The following SRGAP3 variants were observed in gnomAD, a reference collection of about 807,000 sequenced individuals.
SRGAP3 encodes the protein SLIT-ROBO Rho GTPase activating protein 3.
In SRGAP3, 39 loss-of-function variants were observed where a neutral mutation model predicts 121.1. That is an observed-to-expected ratio of 0.32 (90% CI 0.25 to 0.42). The LOEUF is 0.42. Among genes scored for constraint, SRGAP3 ranks in the 10% least tolerant of loss-of-function variants. The probability of loss-of-function intolerance (pLI) is 1.00; values close to 1 mark genes in which losing one functional copy is unlikely to be tolerated. For missense variants in SRGAP3, 1,213 were observed against 1,470.6 expected, an observed-to-expected ratio of 0.82 and a Z score of 2.86; for synonymous variants, 601 against 570.0, an observed-to-expected ratio of 1.05 and a Z score of -0.77.
At chr3:9,189,821 T>A (rs1288750500) in intron 1 of SRGAP3, among the ~76,000 whole-genome samples, 4 of 152,204 alleles carry the variant, frequency 2.6e-5, no homozygotes, top group Non-Finnish European at 4.4e-5. Flanking sequence ...ACACCCAGCA[T>A]CACAGAGTAA....
chr3:9,104,566 C>T, intron 3 of SRGAP3, 114 bp downstream of exon 3: 1 of 1,400,950 alleles, frequency 7.1e-7, no homozygotes, highest in East Asian at 2.3e-5. Context: ...TTCAATGCAC[C>T]TGCCCCTCCT....
chr3:8,992,685 A>G, intron 20 of SRGAP3: 1 of 664,120 alleles, frequency 1.5e-6, no homozygotes, highest in Non-Finnish European at 2.6e-6. Flanking sequence ...TTCCCAACAC[A>G]TGTCTTTCCT....
intron 1 of SRGAP3, among the ~76,000 whole-genome samples, chr3:9,203,654 C>G (rs1361657301): frequency 1.3e-5 from 2 of 152,216 alleles, no homozygotes; most frequent in African/African-American, 4.8e-5. Context: ...ATATTGGCCC[C>G]TGAGCTATAA....
chr3:9,308,670 C>T (rs950891554), intron 3 of SRGAP3, among the ~76,000 whole-genome samples: 11 of 152,136 alleles, frequency 7.2e-5, no homozygotes, highest in African/African-American at 2.7e-4. Flanking sequence ...TTGCACAGCA[C>T]CTTAAATAAG....
chr3:9,231,391 T>A (rs1010715132), intron 1 of SRGAP3, among the ~76,000 whole-genome samples: 5 of 152,248 alleles, frequency 3.3e-5, no homozygotes, highest in African/African-American at 1.2e-4. Context: ...CGGTTCTGTC[T>A]CTTTAGAAAA....
rs140177580 is a variant in SRGAP3 at position 9,054,656 on chromosome 3, C to T, written c.1126-1432G>A. Among the ~76,000 whole-genome samples, 1,168 of 152,346 alleles carry T rather than the reference C, an allele frequency of 7.7e-3. 27 individuals are homozygous for T. Among genetic ancestry groups the T allele is most frequent in the African/African-American group, 0.027 (1,121 of 41,578 alleles). On this transcript the variant is annotated intron_variant, in intron 8 of 21. Transcript: ENST00000383836. ...CAGGCCATTGTTCACTCATATTTGG[C>T]TCAGAATAAATCTCTTCAAGTATTT...
At chr3:9,002,126 A>T (rs1215660257) in intron 18 of SRGAP3, among the ~76,000 whole-genome samples, 15 of 152,190 alleles carry the variant, frequency 9.9e-5, no homozygotes, top group Admixed American at 9.8e-4. Context: ...CTAACTGCAC[A>T]TGGAACGTTC....
At chr3:9,171,668 CCT>C (rs1309825585) in intron 1 of SRGAP3, among the ~76,000 whole-genome samples, 7 of 152,192 alleles carry the variant, frequency 4.6e-5, no homozygotes, top group East Asian at 3.9e-4. Context: ...CAAAATAGCC[CCT>C]GTGTGCCCAA....
At chr3:9,020,997 G>A (rs1459980040) in intron 14 of SRGAP3, among the ~76,000 whole-genome samples, 1 of 152,238 alleles carries the variant, frequency 6.6e-6, no homozygotes, top group Non-Finnish European at 1.5e-5. Context: ...CACACAGTGT[G>A]TGCTTAAAGG....
At chr3:9,082,181 C>T (rs752215361) in intron 3 of SRGAP3, among the ~76,000 whole-genome samples, 2 of 152,296 alleles carry the variant, frequency 1.3e-5, no homozygotes, top group Admixed American at 6.5e-5. Flanking sequence ...ATGCCTGCTC[C>T]ACCCTCACCT....
At chr3:9,038,034 G>T in intron 11 of SRGAP3, 29 bp downstream of exon 11, 6 of 1,614,120 alleles carry the variant, frequency 3.7e-6, no homozygotes, top group Non-Finnish European at 5.1e-6. Flanking sequence ...GGCAGCAGAT[G>T]AAAGAAAACA....
At chr3:9,321,034 T>C (rs1955430841) in intron 3 of SRGAP3, among the ~76,000 whole-genome samples, 1 of 150,908 alleles carries the variant, frequency 6.6e-6, no homozygotes, top group African/African-American at 2.5e-5. Flanking sequence ...GTGGTGGAAG[T>C]AATGCTTTGT....
chr3:9,057,730 T>C (rs1390130647), intron 7 of SRGAP3, among the ~76,000 whole-genome samples: 1 of 152,250 alleles, frequency 6.6e-6, no homozygotes, highest in East Asian at 1.9e-4. Flanking sequence ...TAGGGCTGTG[T>C]TGGGGCCAGT....
chr3:9,233,766 T>C (rs1269256336), intron 1 of SRGAP3, among the ~76,000 whole-genome samples: 3 of 152,194 alleles, frequency 2.0e-5, no homozygotes, highest in African/African-American at 7.2e-5. Flanking sequence ...GATTCCCCCA[T>C]GCACACTGCA....
At chr3:9,303,212 G>T (rs530135384) in intron 3 of SRGAP3, among the ~76,000 whole-genome samples, 1 of 152,196 alleles carries the variant, frequency 6.6e-6, no homozygotes, top group Non-Finnish European at 1.5e-5. Flanking sequence ...ATTACTTGAG[G>T]CCAGGAGTTC....
At chr3:9,294,141 G>A (rs1357231224) in intron 3 of SRGAP3, among the ~76,000 whole-genome samples, 1 of 152,128 alleles carries the variant, frequency 6.6e-6, no homozygotes, top group Admixed American at 6.6e-5. Flanking sequence ...GGAATACTAT[G>A]CAGCCATAAA....
intron 1 of SRGAP3, among the ~76,000 whole-genome samples, chr3:9,230,271 G>A (rs114597409): frequency 1.5e-3 from 234 of 152,260 alleles, no homozygotes; most frequent in Middle Eastern, 6.8e-3. Context: ...AAAGTCACAC[G>A]GCTAGAAAGT....
chr3:9,064,111 G>A (rs770229726), intron 5 of SRGAP3, among the ~76,000 whole-genome samples: 3 of 152,292 alleles, frequency 2.0e-5, no homozygotes, highest in Non-Finnish European at 2.9e-5. Context: ...TGTGAATCTC[G>A]TCACAGTTCA....
At chr3:9,193,553 G>T (rs2125143363) in intron 1 of SRGAP3, 1 of 152,444 alleles carries the variant, frequency 6.6e-6, no homozygotes, top group East Asian at 1.9e-4. Context: ...CCAAGTGCTG[G>T]CGGGAGATGG....
Sources: gnomAD v4.1 joint callset for allele counts (sites outside exome capture counted in the v4.1 genomes callset) on GRCh38, gnomAD v4.1.1 for gene constraint, MANE v1.5 for transcripts, NCBI Gene and HGNC (gene_info 2026-07-23, HGNC 2026-07-21) for gene names.